EFCAB8: variants seen among roughly 807,000 people sequenced by gnomAD.
The protein encoded by EFCAB8 is EF-hand calcium binding domain 8.
Under a neutral mutation model 116.3 loss-of-function variants are expected in EFCAB8, and 100 were observed. The ratio of observed to expected loss-of-function variants is 0.86; its 90% confidence interval spans 0.73 to 1.02. The LOEUF is 1.02. Among genes scored for constraint, EFCAB8 ranks in the 50% least tolerant of loss-of-function variants. EFCAB8 has a pLI of 0.00. For synonymous variants in EFCAB8, 558 were observed against 567.9 expected, an observed-to-expected ratio of 0.98 and a Z score of 0.25; for missense variants, 1,320 against 1,416.9, an observed-to-expected ratio of 0.93 and a Z score of 1.10.
intron 5 of EFCAB8, among the ~76,000 whole-genome samples, chr20:32,881,880 A>G (rs1985357373): frequency 6.6e-6 from 1 of 152,188 alleles, no homozygotes; most frequent in Admixed American, 6.5e-5. Context: ...GAATTCTGAC[A>G]ACGTTTTAAA....
chr20:32,904,599 G>A (rs1237445388), intron 11 of EFCAB8, among the ~76,000 whole-genome samples: 2 of 139,944 alleles, frequency 1.4e-5, no homozygotes, highest in East Asian at 4.1e-4. Flanking sequence ...ACACCTGAAT[G>A]GAGCTTTTTT....
At chr20:32,882,087 A>C (rs965177341) in intron 5 of EFCAB8, among the ~76,000 whole-genome samples, 2 of 152,088 alleles carry the variant, frequency 1.3e-5, no homozygotes, top group African/African-American at 4.8e-5. Context: ...AATCCCAGCT[A>C]CTCGGGAGGC....
chr20:32,860,617 G>A (rs1187251961), intron 1 of EFCAB8, among the ~76,000 whole-genome samples: 4 of 147,558 alleles, frequency 2.7e-5, no homozygotes, highest in African/African-American at 5.1e-5. Context: ...AGCGATTCTC[G>A]TGCCTCAGTC....
chr20:32,915,948 A>G (rs1447369167), intron 17 of EFCAB8, among the ~76,000 whole-genome samples: 1 of 152,090 alleles, frequency 6.6e-6, no homozygotes, highest in African/African-American at 2.4e-5. Context: ...CTGGGATTAC[A>G]GGCATGAGCC....
intron 23 of EFCAB8, among the ~76,000 whole-genome samples, chr20:32,950,912 G>A (rs1040632066): frequency 3.3e-5 from 5 of 152,188 alleles, no homozygotes; most frequent in Admixed American, 3.3e-4. Context: ...GGAACTTAAA[G>A]TGGCAGTGTT....
Position 32,931,291 on chromosome 20 carries a change from A to T in EFCAB8, c.2745A>T (p.Gln915His). Residue 915 changes from glutamine to histidine, a missense_variant, in exon 22 of 27, where the codon CAA (glutamine) becomes CAT (histidine). By Grantham distance (24) the Gln-to-His change is conservative. Coordinates refer to ENST00000400522, the MANE Select transcript of EFCAB8 (RefSeq NM_001143967.2). ...AGTTCCGGTTGTTAATTCCTCAGCA[A>T]CTTGGGACCAACTTCCCACACTACA... The part of the protein sequence containing the change: ...HNKFRLLIPQ[Q>H]LGTNFPHYIP... The T allele has an allele frequency of 6.4e-7, 1 of 1,551,456 alleles. No homozygotes were observed. Among genetic ancestry groups the T allele is most frequent in the Non-Finnish European group, 8.7e-7 (1 of 1,146,810 alleles).
intron 2 of EFCAB8, among the ~76,000 whole-genome samples, chr20:32,864,586 A>C (rs142275978): frequency 3.3e-5 from 5 of 152,218 alleles, no homozygotes; most frequent in African/African-American, 4.8e-5. Flanking sequence ...GTCTCTAAAA[A>C]AACAAAACAA....
intron 20 of EFCAB8, among the ~76,000 whole-genome samples, chr20:32,928,893 ATT>A (rs200356823): frequency 2.9e-5 from 4 of 136,134 alleles, no homozygotes; most frequent in South Asian, 2.3e-4. Context: ...TTCTATTCCT[ATT>A]TTTTTTTTTT....
Position 32,931,435 on chromosome 20 carries a change from C to T in EFCAB8, c.2790+99C>T, listed in dbSNP as rs1987906375. The T allele has an allele frequency of 1.0e-5, 14 of 1,375,722 alleles. No homozygotes were observed. In the East Asian group the frequency reaches 3.8e-4, roughly 37 times the overall value. The allele number at this position is 1,375,722 out of a possible 1,614,324, so 85.2% of individuals were successfully genotyped here. ...CTCATACCCAAGAGAAATACACTTA[C>T]TAAAAGATAAGAGCAAAAATATTGA... On this transcript the variant is annotated intron_variant, in intron 22 of 26. Transcript: ENST00000400522.
intron 5 of EFCAB8, among the ~76,000 whole-genome samples, chr20:32,879,268 C>T (rs1389361650): frequency 6.6e-6 from 1 of 152,176 alleles, no homozygotes; most frequent in Non-Finnish European, 1.5e-5. Flanking sequence ...GCTCCTCAAG[C>T]CCCCAGCCAG....
At chr20:32,894,745 C>T (rs569168541) in intron 9 of EFCAB8, among the ~76,000 whole-genome samples, 99 of 152,330 alleles carry the variant, frequency 6.5e-4, no homozygotes, top group Middle Eastern at 3.4e-3. Context: ...GTATAAGAAA[C>T]GTGGAACGTT....
chr20:32,893,318 AG>A lies in EFCAB8; in HGVS notation c.883+25del. On this transcript the variant is annotated intron_variant, in intron 9 of 26. Coordinates refer to ENST00000400522, the MANE Select transcript of EFCAB8 (RefSeq NM_001143967.2). ...AGTGGGGTAGCTAAGATGCTGGGGA[AG>A]GGGGCAGAGGCCTGGGCATGGCCTA... is the stretch of plus-strand genomic sequence containing the variant. 1 of 1,551,314 alleles carries A rather than the reference AG, an allele frequency of 6.4e-7. No individual in the cohort carries two copies. Among genetic ancestry groups the A allele is most frequent in the South Asian group, 1.2e-5 (1 of 84,058 alleles).
chr20:32,902,203 G>A (rs1013668639), intron 11 of EFCAB8, among the ~76,000 whole-genome samples: 4 of 152,100 alleles, frequency 2.6e-5, no homozygotes, highest in African/African-American at 9.7e-5. Flanking sequence ...GGTGTGGTCT[G>A]GCTTATATGT....
chr20:32,885,497 T>A lies in EFCAB8; in HGVS notation c.432-8T>A, dbSNP rs1442762134. ...TTGGGCTCTTCTCTCTTTCATCGCC[T>A]CCCACAGGAACCATGGCTGTGAGGT... On this transcript the variant is annotated splice_region_variant and splice_polypyrimidine_tract_variant and intron_variant, in intron 5 of 26. Transcript: ENST00000400522. The A allele has an allele frequency of 1.3e-6, 2 of 1,551,562 alleles. No homozygotes were observed. Among genetic ancestry groups the A allele is most frequent in the Non-Finnish European group, 1.7e-6 (2 of 1,146,962 alleles).
In EFCAB8 at chr20:32,885,622, G is replaced by A. The variant is rs139861538; in HGVS notation, c.549G>A (p.Ser183=). 13,910 of 1,551,758 alleles carry A rather than the reference G, an allele frequency of 9.0e-3. 90 individuals are homozygous for A. The highest frequency in any genetic ancestry group is 0.01 in the Non-Finnish European group (11,818 of 1,147,002). The change falls in exon 6 of 27, where the codon TCG becomes TCA. Residue 183 remains serine, a synonymous_variant. Transcript: ENST00000400522. ...GILQFWSESF[S]LMSSFRLNQT... is the part of the protein sequence containing the mutation. The stretch of plus-strand genomic sequence containing the variant: ...TGCAGTTCTGGTCTGAGTCCTTCTC[G>A]CTGATGAGCTCCTTTAGGGTGAGTG...
intron 9 of EFCAB8, among the ~76,000 whole-genome samples, chr20:32,895,536 T>G (rs891533536): frequency 6.6e-6 from 1 of 151,122 alleles, no homozygotes; most frequent in African/African-American, 2.4e-5. Context: ...GGGTTCTCAC[T>G]GTGTTGTCCA....
Position 32,918,592 on chromosome 20 carries a change from A to T in EFCAB8, c.2274+18A>T, listed in dbSNP as rs767594616. ...CCCAGCAGGTGGGAGCGAGAGCCCA[A>T]CCAGAAGGCTACCCTCACTCTCTAG... On this transcript the variant is annotated intron_variant, in intron 19 of 26. Coordinates refer to ENST00000400522, the MANE Select transcript of EFCAB8 (RefSeq NM_001143967.2). 1.9e-6 allele frequency: 3 copies of T among 1,550,202 alleles called. No homozygotes were observed. The highest frequency in any genetic ancestry group is 1.2e-5 in the South Asian group (1 of 84,018).
At position 32,933,848 on chromosome 20, in the gene EFCAB8, C is replaced by T. The variant is rs566327609; in HGVS notation, c.2790+2512C>T. Among the ~76,000 whole-genome samples the T allele has an allele frequency of 1.5e-4, 23 of 152,198 alleles. No homozygotes were observed. The South Asian group carries it at 3.3e-3, about 22-fold the overall frequency. ...ACAAAATTAGCCAGGCATGGTGATG[C>T]GTGCCTGTAATCCCAGCTACTCTGG... On this transcript the variant is annotated intron_variant, in intron 22 of 26. Coordinates refer to ENST00000400522, the MANE Select transcript of EFCAB8 (RefSeq NM_001143967.2).
At chr20:32,907,303 AGCAGT>A (rs1419211162) in intron 13 of EFCAB8, among the ~76,000 whole-genome samples, 3 of 152,258 alleles carry the variant, frequency 2.0e-5, no homozygotes, top group Non-Finnish European at 4.4e-5. Context: ...GCAGCAAAAC[AGCAGT>A]GCAGTGTCTG....
Sources: allele counts gnomAD v4.1 joint callset (sites outside exome capture counted in the v4.1 genomes callset), GRCh38; gene constraint gnomAD v4.1.1; transcripts MANE v1.5; gene names NCBI Gene and HGNC (gene_info 2026-07-23, HGNC 2026-07-21).